The following PPM1L variants were observed in gnomAD, a reference collection of about 807,000 sequenced individuals.
The protein encoded by PPM1L is protein phosphatase 1L.
A neutral mutation model predicts 31.4 loss-of-function variants in PPM1L; 13 were observed. The observed-to-expected ratio is 0.41, with a 90% CI of 0.27 to 0.66. PPM1L has a LOEUF of 0.66. PPM1L is among the 30% of genes least tolerant of loss of function. PPM1L has a pLI of 0.29. For missense variants in PPM1L, 326 were observed against 453.7 expected (o/e 0.72, Z 2.56); for synonymous variants, 184 against 175.4 (o/e 1.05, Z -0.39).
chr3:160,893,785 A>C lies in PPM1L; in HGVS notation c.400-67951A>C, dbSNP rs573899459. Among the ~76,000 whole-genome samples the C allele has an allele frequency of 2.7e-4, 41 of 152,316 alleles. No individual in the cohort carries two copies. In the South Asian group the frequency reaches 6.0e-3, roughly 22 times the overall value. The stretch of plus-strand genomic sequence containing the variant: ...GCCTTGGATAATCATCAAAACAAAT[A>C]CAGATGGTCCCTGACTTATGATGGT... On this transcript the variant is annotated intron_variant, in intron 1 of 3. Coordinates refer to ENST00000498165, the MANE Select transcript of PPM1L (RefSeq NM_139245.4).
intron 1 of PPM1L, among the ~76,000 whole-genome samples, chr3:160,766,456 G>T (rs1006886288): frequency 1.3e-5 from 2 of 152,088 alleles, no homozygotes; most frequent in African/African-American, 4.8e-5. Flanking sequence ...ATGATACTGA[G>T]TGAGTTCTCA....
At chr3:160,902,795 G>C (rs1389461740) in intron 1 of PPM1L, among the ~76,000 whole-genome samples, 1 of 151,956 alleles carries the variant, frequency 6.6e-6, no homozygotes, top group African/African-American at 2.4e-5. Flanking sequence ...TATCTGCTTT[G>C]TTAGTTGTGG....
intron 1 of PPM1L, among the ~76,000 whole-genome samples, chr3:160,814,496 CAT>C (rs1413958363): frequency 5.7e-5 from 8 of 141,322 alleles, no homozygotes; most frequent in African/African-American, 1.4e-4. Flanking sequence ...CACACACACA[CAT>C]ATATGTATGT....
chr3:161,002,007 T>G, intron 2 of PPM1L, among the ~76,000 whole-genome samples: 1 of 103,114 alleles, frequency 9.7e-6, no homozygotes. Flanking sequence ...CCCACAACAG[T>G]CCCCAGAGTG....
chr3:161,003,984 G>A (rs1426755680), intron 2 of PPM1L, among the ~76,000 whole-genome samples: 1 of 148,602 alleles, frequency 6.7e-6, no homozygotes, highest in Non-Finnish European at 1.5e-5. Flanking sequence ...GTTTGTCATA[G>A]ATAGCTCTTA....
chr3:160,938,446 T>C (rs1715051395), intron 1 of PPM1L, among the ~76,000 whole-genome samples: 1 of 152,194 alleles, frequency 6.6e-6, no homozygotes, highest in South Asian at 2.1e-4. Context: ...AGCTGCAAAA[T>C]AGATTGTCAT....
At chr3:160,761,986 G>A (rs1714980956) in intron 1 of PPM1L, among the ~76,000 whole-genome samples, 1 of 152,168 alleles carries the variant, frequency 6.6e-6, no homozygotes, top group African/African-American at 2.4e-5. Context: ...AATTCAAGAT[G>A]AGATTTGGGT....
intron 1 of PPM1L, among the ~76,000 whole-genome samples, chr3:160,882,002 G>C (rs1419334262): frequency 6.6e-6 from 1 of 150,458 alleles, no homozygotes; most frequent in East Asian, 1.9e-4. Context: ...AGTGAGCTGA[G>C]ATTGCACCAC....
chr3:161,056,065 A>G (rs1719399604), intron 2 of PPM1L, among the ~76,000 whole-genome samples: 1 of 152,182 alleles, frequency 6.6e-6, no homozygotes, highest in Non-Finnish European at 1.5e-5. Context: ...TCAGGACTCC[A>G]ATTTTTAAAT....
intron 1 of PPM1L, among the ~76,000 whole-genome samples, chr3:160,877,286 C>G (rs1712546899): frequency 6.6e-6 from 1 of 152,080 alleles, no homozygotes; most frequent in Admixed American, 6.6e-5. Context: ...TGGCTTTTGC[C>G]ATTTTTGGAG....
rs180817720 is a variant in PPM1L, at chr3:160,964,831, A to G, written c.574+2921A>G. Among the ~76,000 whole-genome samples the G allele has an allele frequency of 3.9e-3, 588 of 152,176 alleles. 5 individuals are homozygous for G. The highest frequency in any genetic ancestry group is 5.7e-3 in the Non-Finnish European group (387 of 67,988). On this transcript the variant is annotated intron_variant, in intron 2 of 3. Transcript: ENST00000498165. ...AGTGTTGCTGTGTGTTGCAAAACCA[A>G]AAGTTACTACCTCCTCCTCCATAAC... is the stretch of plus-strand genomic sequence containing the variant.
intron 1 of PPM1L, among the ~76,000 whole-genome samples, chr3:160,819,948 C>T (rs1484275908): frequency 6.6e-6 from 1 of 152,078 alleles, no homozygotes; most frequent in Non-Finnish European, 1.5e-5. Flanking sequence ...GAACCTATCA[C>T]TGACTATGAC....
At chr3:160,901,177 T>C (rs1183755275) in intron 1 of PPM1L, among the ~76,000 whole-genome samples, 2 of 152,150 alleles carry the variant, frequency 1.3e-5, no homozygotes, top group African/African-American at 2.4e-5. Context: ...TTTACATCTT[T>C]AGCTCAGACC....
At chr3:161,062,452 G>A (rs944768869) in intron 2 of PPM1L, among the ~76,000 whole-genome samples, 35 of 152,136 alleles carry the variant, frequency 2.3e-4, no homozygotes, top group Admixed American at 1.2e-3. Flanking sequence ...TAAAAAATAA[G>A]AACCTATCAC....
intron 1 of PPM1L, among the ~76,000 whole-genome samples, chr3:160,814,419 T>A (rs1712901084): frequency 6.6e-6 from 1 of 151,920 alleles, no homozygotes; most frequent in Non-Finnish European, 1.5e-5. Flanking sequence ...TGCAAAAATA[T>A]GGAACCAGCC....
intron 1 of PPM1L, among the ~76,000 whole-genome samples, chr3:160,849,347 C>G (rs1714186431): frequency 6.6e-6 from 1 of 152,150 alleles, no homozygotes; most frequent in Non-Finnish European, 1.5e-5. Context: ...TTCCCTGCAT[C>G]CAAGTAGCAG....
chr3:160,965,407 T>G (rs534987407), intron 2 of PPM1L, among the ~76,000 whole-genome samples: 3 of 152,240 alleles, frequency 2.0e-5, no homozygotes, highest in East Asian at 3.9e-4. Context: ...GTACTTCACA[T>G]ACACCCATTC....
intron 2 of PPM1L, among the ~76,000 whole-genome samples, chr3:161,019,034 T>A (rs1188373437): frequency 6.6e-6 from 1 of 152,218 alleles, no homozygotes; most frequent in Non-Finnish European, 1.5e-5. Context: ...TATATTCAGC[T>A]GAATTGGCTA....
rs150937410 is a variant in PPM1L, at chr3:160,756,384, C to G, written c.76C>G (p.Leu26Val). The change falls in exon 1 of 4, where the codon CTT becomes GTT. Residue 26 changes from leucine to valine, a missense_variant. By Grantham distance (32) the Leu-to-Val change is conservative. Around this residue, in one of 3 missense-constraint regions of PPM1L, gnomAD observed 42 missense variants for 76.1 expected, o/e 0.55. Coordinates refer to ENST00000498165, the MANE Select transcript of PPM1L (RefSeq NM_139245.4). This position sits in a 1 kb window ranked among gnomAD's most constrained non-coding sequence, Gnocchi z 6.2. ...MRYFLLRPET[L>V]FLLCISLALW... ...CTACTTCTTGCTGAGACCCGAGACG[C>G]TTTTCCTGCTGTGCATCAGCTTGGC... 7.3e-4 allele frequency: 1,175 copies of G among 1,614,230 alleles called. No homozygotes were observed. The highest frequency in any genetic ancestry group is 9.4e-4 in the Non-Finnish European group (1,115 of 1,180,036).
Sources: allele counts gnomAD v4.1 joint callset (sites outside exome capture counted in the v4.1 genomes callset), GRCh38; gene constraint gnomAD v4.1.1; regional missense constraint gnomAD v4.1.1; non-coding constraint Gnocchi (gnomAD v3.1); transcripts MANE v1.5; gene names NCBI Gene and HGNC (gene_info 2026-07-23, HGNC 2026-07-21).